The following GALC variants were observed in gnomAD, a reference collection of about 807,000 sequenced individuals.
The protein encoded by GALC is galactocerebrosidase.
Under a neutral mutation model 91.8 loss-of-function variants are expected in GALC, and 77 were observed. The ratio of observed to expected loss-of-function variants is 0.84; its 90% confidence interval spans 0.70 to 1.01. GALC has a LOEUF of 1.01. GALC is among the 50% of genes least tolerant of loss of function. GALC has a pLI of 0.00. For missense variants in GALC, 882 were observed against 855.9 expected (o/e 1.03, Z -0.38); for synonymous variants, 357 against 306.7 (o/e 1.16, Z -1.71).
At chr14:87,939,855 T>G (rs546287796) in intron 16 of GALC, 50 bp downstream of exon 16, 2 of 1,196,200 alleles carry the variant, frequency 1.7e-6, no homozygotes, top group African/African-American at 3.0e-5. Flanking sequence ...ATTATAGAAA[T>G]GCACAACAAA....
At chr14:87,978,301 T>C (rs1044208046) in intron 6 of GALC, among the ~76,000 whole-genome samples, 15 of 152,144 alleles carry the variant, frequency 9.9e-5, no homozygotes, top group South Asian at 8.3e-4. Context: ...TCCGCCACTT[T>C]GGCTTCCCAA....
chr14:87,936,092 C>T (rs1380838684), intron 16 of GALC, among the ~76,000 whole-genome samples: 1 of 152,032 alleles, frequency 6.6e-6, no homozygotes, highest in African/African-American at 2.4e-5. Flanking sequence ...TCAGCCACCC[C>T]AGCCTCCAGG....
chr14:87,976,580 A>G (rs1886502460), intron 6 of GALC, 92 bp from the exon 7 acceptor site: 1 of 1,056,486 alleles, frequency 9.5e-7, no homozygotes, highest in African/African-American at 1.6e-5. Context: ...TATCTTTACA[A>G]ATCAGCGTTC....
intron 10 of GALC, among the ~76,000 whole-genome samples, chr14:87,961,467 C>A (rs1885799671): frequency 6.6e-6 from 1 of 152,094 alleles, no homozygotes; most frequent in Admixed American, 6.6e-5. Flanking sequence ...ACATACATAC[C>A]CAAGAGAACT....
intron 10 of GALC, among the ~76,000 whole-genome samples, chr14:87,956,164 T>C (rs969071903): frequency 6.6e-6 from 1 of 151,916 alleles, no homozygotes; most frequent in Admixed American, 6.6e-5. Context: ...TGAGGTGTGA[T>C]CAAGGAACCA....
Position 87,982,320 on chromosome 14 carries a change from T to C in GALC, c.583-77A>G, listed in dbSNP as rs573347979. 109 of 943,144 alleles carry C rather than the reference T, an allele frequency of 1.2e-4. No individual in the cohort carries two copies. The African/African-American group carries it at 1.6e-3, about 14-fold the overall frequency. 58.4% of individuals were successfully genotyped at this position (943,144 alleles called of 1,614,324 possible). ...AAAGCAGATTATCGTTACGATACCA[T>C]TTCTCTCATCATCTTTCATATTATC... On this transcript the variant is annotated intron_variant, in intron 5 of 16. Transcript: ENST00000261304.
chr14:87,942,151 AG>A (rs779030976), intron 14 of GALC, among the ~76,000 whole-genome samples: 16 of 151,954 alleles, frequency 1.1e-4, no homozygotes, highest in Non-Finnish European at 2.1e-4. Flanking sequence ...AATCACCTGG[AG>A]GGCTTCTTAA....
chr14:87,976,383 G>T lies in GALC; in HGVS notation c.727C>A (p.Leu243Ile). Residue 243 changes from leucine to isoleucine, a missense_variant, in exon 7 of 17, where the codon CTC becomes ATC. Transcript: ENST00000261304. Reference sequence around the variant, plus strand: ...CCTATAACATCAACCACCTTGAAGAGTTCGGCATCAAGGAGCATGGATGCA... The same window carrying T: ...CCTATAACATCAACCACCTTGAAGATTTCGGCATCAAGGAGCATGGATGCA... ...ISASMLLDAE[L>I]FKVVDVIGAH... The T allele has an allele frequency of 6.2e-7, 1 of 1,613,992 alleles. No homozygotes were observed. The highest frequency in any genetic ancestry group is 8.5e-7 in the Non-Finnish European group (1 of 1,179,944).
rs992757511 is a variant in GALC, at chr14:87,984,477, T to A, written c.499A>T (p.Asn167Tyr). ...LGKGFDWPYV[N>Y]LQLTAYYVVT... ...ACATAATAGGCAGTCAGCTGAAGATTGACATAAGGCCAGTCGAAACCTTTT... is the reference window on the plus strand; with the variant it reads ...ACATAATAGGCAGTCAGCTGAAGATAGACATAAGGCCAGTCGAAACCTTTT... Residue 167 changes from asparagine to tyrosine, a missense_variant, in exon 5 of 17, where the codon AAT (asparagine) becomes TAT (tyrosine). Asn to Tyr is a moderately radical substitution (Grantham distance 143). Transcript: ENST00000261304. The A allele has an allele frequency of 6.2e-7, 1 of 1,614,150 alleles. No individual in the cohort carries two copies.
In GALC at chr14:87,963,394, A is replaced by G. The variant is rs1376496659; in HGVS notation, c.1151T>C (p.Ile384Thr). ...ACAACAAAAGTTTACCATGGTTTCA[A>G]TGATGATGGTGAGGTTCCCTAAGCC... ...TDGLGNLTII[I>T]ETMSHKHSKC... Residue 384 changes from isoleucine (I) to threonine (T), a missense_variant, in exon 10 of 17, where the codon ATT (isoleucine) becomes ACT (threonine). Transcript: ENST00000261304. 7.4e-6 allele frequency: 12 copies of G among 1,613,352 alleles called. No homozygotes were observed. The highest frequency in any genetic ancestry group is 1.3e-5 in the African/African-American group (1 of 75,022).
In GALC at chr14:87,934,744, T is replaced by G. The variant is rs749415816; in HGVS notation, c.2046A>C (p.Glu682Asp). The change falls in exon 17 of 17, where the codon GAA becomes GAC. Residue 682 changes from glutamate to aspartate, a missense_variant. Transcript: ENST00000261304. ...EFAQFDNFLV[E>D]ATR ...GCCCTGTTAAGTATTAGCGTGTGGC[T>G]TCCACAAGAAAGTTGTCAAACTGTG... 27 of 1,613,112 alleles carry G rather than the reference T, an allele frequency of 1.7e-5. No homozygotes were observed. The highest frequency in any genetic ancestry group is 8.5e-7 in the Non-Finnish European group (1 of 1,179,444).
intron 10 of GALC, chr14:87,953,079 G>T (rs1885379814): frequency 8.7e-6 from 13 of 1,501,476 alleles, no homozygotes; most frequent in Non-Finnish European, 1.2e-5. Context: ...AAGAGAGTGT[G>T]TGCCAACAGA....
At chr14:87,952,871 C>A in intron 10 of GALC, 2 of 1,060,226 alleles carry the variant, frequency 1.9e-6, no homozygotes, top group Non-Finnish European at 2.9e-6. Context: ...GATTTGAAAG[C>A]ATAGTTCTGC....
rs1258487411 is a variant in GALC, at chr14:87,933,886, G to A, written c.*846C>T. On this transcript the variant is annotated 3_prime_UTR_variant, in exon 17 of 17. Coordinates refer to ENST00000261304, the MANE Select transcript of GALC (RefSeq NM_000153.4). ...GGAGAGAAAAGCATTCATCAGCTGT[G>A]TGAGTCTGTTACCAGTGCACATGTG... 5.8e-6 allele frequency: 6 copies of A among 1,038,572 alleles called. No individual in the cohort carries two copies. Among genetic ancestry groups the A allele is most frequent in the Non-Finnish European group, 7.2e-6 (5 of 697,370 alleles). The allele number at this position is 1,038,572 out of a possible 1,614,324, so 64.3% of individuals were successfully genotyped here. A position where few individuals can be genotyped will look rare whatever the true frequency, so the allele number is the denominator to read the frequency against.
At chr14:87,988,594 G>T in intron 1 of GALC, 71 bp from the exon 2 acceptor site, 1 of 1,048,726 alleles carries the variant, frequency 9.5e-7, no homozygotes, top group Non-Finnish European at 1.5e-6. Flanking sequence ...CAGTGTTCAC[G>T]CACACCACCT....
chr14:87,934,330 G>A lies in GALC; in HGVS notation c.*402C>T. ...TGTGATGAAGACACTGGCTCACTTG[G>A]ACACACGGTCAGCATGCATAAATAC... On this transcript the variant is annotated 3_prime_UTR_variant, in exon 17 of 17. Transcript: ENST00000261304. The A allele has an allele frequency of 7.8e-7, 1 of 1,276,094 alleles. No individual in the cohort carries two copies. Among genetic ancestry groups the A allele is most frequent in the Non-Finnish European group, 1.0e-6 (1 of 1,003,952 alleles). The allele number at this position is 1,276,094 out of a possible 1,614,324, so 79.0% of individuals were successfully genotyped here.
intron 4 of GALC, 127 bp from the exon 5 acceptor site, chr14:87,984,660 G>A (rs1595236929): frequency 2.3e-6 from 2 of 886,276 alleles, no homozygotes; most frequent in Non-Finnish European, 3.6e-6. Context: ...CTGACTAAAG[G>A]AAAGTTTATA....
Position 87,968,499 on chromosome 14 carries a change from A to G in GALC, c.753-9T>C, listed in dbSNP as rs2140001838. The G allele has an allele frequency of 6.2e-7, 1 of 1,613,794 alleles. No homozygotes were observed. Among genetic ancestry groups the G allele is most frequent in the Non-Finnish European group, 8.5e-7 (1 of 1,179,740 alleles). ...TTCCAGGATAATGAGCCCTAGAAAA[A>G]AAAAGGGTGGAAGTCAATGAAAAAA... is the stretch of plus-strand genomic sequence containing the variant. On this transcript the variant is annotated splice_polypyrimidine_tract_variant and intron_variant, in intron 7 of 16. Coordinates refer to ENST00000261304, the MANE Select transcript of GALC (RefSeq NM_000153.4).
chr14:87,952,556 A>G (rs1224029948), intron 10 of GALC: 3 of 951,336 alleles, frequency 3.2e-6, no homozygotes, highest in East Asian at 5.2e-5. Context: ...TGACAGTATC[A>G]CAACACACAG....
Sources: allele counts gnomAD v4.1 joint callset (sites outside exome capture counted in the v4.1 genomes callset), GRCh38; gene constraint gnomAD v4.1.1; transcripts MANE v1.5; gene names NCBI Gene and HGNC (gene_info 2026-07-23, HGNC 2026-07-21).